PCMT1: variants seen among roughly 807,000 people sequenced by gnomAD.
The protein encoded by PCMT1 is protein-L-isoaspartate(D-aspartate) O-methyltransferase.
A neutral mutation model predicts 29.2 loss-of-function variants in PCMT1; 9 were observed. The ratio of observed to expected loss-of-function variants is 0.31; its 90% CI spans 0.19 to 0.54. PCMT1 has a LOEUF of 0.54. Ranked by LOEUF, PCMT1 falls within the 20% of genes least tolerant of loss-of-function variation. The pLI, the probability that PCMT1 is intolerant of heterozygous loss-of-function variation, is 0.95. For synonymous variants in PCMT1, 98 were observed against 97.5 expected (o/e 1.00, Z -0.03); for missense variants, 184 against 282.2 (o/e 0.65, Z 2.49).
In PCMT1 at chr6:149,805,602, T is replaced by A. The variant is rs2115348183; in HGVS notation, c.*37+3186T>A. 2.6e-5 allele frequency among the ~76,000 whole-genome samples: 4 copies of A among 151,522 alleles called. No individual in the cohort carries two copies. In the South Asian group the frequency reaches 8.3e-4, roughly 32 times the overall value. ...GAGCGAGACTCCGTCTCAAAAAATG[T>A]ATACCTGGTTTTCTTTTTGACCTTC... On this transcript the variant is annotated intron_variant, in intron 7 of 7. Coordinates refer to ENST00000464889, the MANE Select transcript of PCMT1 (RefSeq NM_001360452.2).
At position 149,770,603 on chromosome 6, in the gene PCMT1, G is replaced by A. The variant is rs1361204448; in HGVS notation, c.56-559G>A. Among the ~76,000 whole-genome samples the A allele has an allele frequency of 2.6e-5, 4 of 151,784 alleles. No homozygotes were observed. The South Asian group carries it at 8.3e-4, about 32-fold the overall frequency. ...CACCTGTAGTCGCAGCTACTTGGGA[G>A]GCTGAGGCAGGAGAATCACTTGAAC... is the stretch of plus-strand genomic sequence containing the variant. On this transcript the variant is annotated intron_variant, in intron 1 of 7. Coordinates refer to ENST00000464889, the MANE Select transcript of PCMT1 (RefSeq NM_001360452.2).
intron 5 of PCMT1, chr6:149,796,127 A>T (rs1788602360): frequency 4.0e-6 from 1 of 249,096 alleles, no homozygotes; most frequent in Admixed American, 5.3e-5. Flanking sequence ...TGAGGTCAGG[A>T]GTTCAAAAAA....
intron 6 of PCMT1, among the ~76,000 whole-genome samples, chr6:149,800,326 G>A (rs571578680): frequency 3.9e-5 from 6 of 152,128 alleles, no homozygotes; most frequent in South Asian, 2.1e-4. Context: ...AAAATTAGTC[G>A]GGCTCGGTGG....
At chr6:149,759,267 T>G (rs1193394643) in intron 1 of PCMT1, among the ~76,000 whole-genome samples, 2 of 152,222 alleles carry the variant, frequency 1.3e-5, no homozygotes, top group South Asian at 2.1e-4. Flanking sequence ...CTATCATGCC[T>G]AATCATTCTG....
chr6:149,778,085 C>T (rs1356547808), intron 3 of PCMT1, among the ~76,000 whole-genome samples: 1 of 151,894 alleles, frequency 6.6e-6, no homozygotes, highest in African/African-American at 2.4e-5. Context: ...TCACGTTGGC[C>T]AGGCTGGTCT....
chr6:149,774,538 CTTTT>C (rs34761342), intron 3 of PCMT1, among the ~76,000 whole-genome samples: 1 of 116,944 alleles, frequency 8.6e-6, no homozygotes. Context: ...TGGGCCCAGT[CTTTT>C]TTTTTTTTTT....
At chr6:149,782,979 G>A (rs1382313310) in intron 3 of PCMT1, among the ~76,000 whole-genome samples, 1 of 151,936 alleles carries the variant, frequency 6.6e-6, no homozygotes. Flanking sequence ...AACAAAGCAA[G>A]ACCCTGACTC....
In PCMT1 at chr6:149,802,285, A is replaced by G; in HGVS notation, c.590A>G (p.Lys197Arg). ...GGNQMLEQYD[K>R]LQDGSIKMKP... ...AACCAAATGTTGGAGCAGTATGACA[A>G]GCTACAAGATGGCAGCATCAAAATG... The change falls in exon 7 of 8, where the codon AAG becomes AGG. Residue 197 changes from lysine to arginine, a missense_variant. By Grantham distance (26) the Lys-to-Arg change is conservative. Transcript: ENST00000464889. 6.2e-7 allele frequency: 1 copy of G among 1,613,916 alleles called. No individual in the cohort carries two copies. The highest frequency in any genetic ancestry group is 8.5e-7 in the Non-Finnish European group (1 of 1,179,840).
chr6:149,778,517 C>G (rs1787673332), intron 3 of PCMT1, among the ~76,000 whole-genome samples: 1 of 152,004 alleles, frequency 6.6e-6, no homozygotes, highest in Non-Finnish European at 1.5e-5. Context: ...GCCTGAGCCA[C>G]TGCGTCTAGC....
In PCMT1 at chr6:149,803,532, C is replaced by T. The variant is rs1775917470; in HGVS notation, c.*37+1116C>T. On this transcript the variant is annotated intron_variant, in intron 7 of 7. Transcript: ENST00000464889. ...GATTTCTCTTTTCCTCCCCTTCCCA[C>T]TCCCTTCCATGAGAGAGAGTGACAT... Among the ~76,000 whole-genome samples, 3 of 150,014 alleles carry T rather than the reference C, an allele frequency of 2.0e-5. No homozygotes were observed. The Admixed American group carries it at 2.1e-4, about 10-fold the overall frequency.
rs751992669 is a variant in PCMT1 at position 149,749,897 on chromosome 6, T to C, written c.-5T>C. Reference sequence around the variant, plus strand: ...GTTCTGTACCTGCTCCGAGTGTGCTTAGCGATGGCCTGGAAATCCGGCGGC... The same window carrying C: ...GTTCTGTACCTGCTCCGAGTGTGCTCAGCGATGGCCTGGAAATCCGGCGGC... On this transcript the variant is annotated 5_prime_UTR_variant, in exon 1 of 8. Transcript: ENST00000464889. 1 of 1,608,610 alleles carries C rather than the reference T, an allele frequency of 6.2e-7. No individual in the cohort carries two copies. Among genetic ancestry groups the C allele is most frequent in the Non-Finnish European group, 8.5e-7 (1 of 1,177,892 alleles).
rs1202762571 is a variant in PCMT1 at position 149,762,942 on chromosome 6, T to TG, written c.56-8220_56-8219insG. ...ATATATCTATGATATATATGATATA[T>TG]ATATCTATGATATGTATATCTATGA... On this transcript the variant is annotated intron_variant, in intron 1 of 7. Coordinates refer to ENST00000464889, the MANE Select transcript of PCMT1 (RefSeq NM_001360452.2). Among the ~76,000 whole-genome samples the TG allele has an allele frequency of 6.3e-5, 3 of 47,772 alleles. No homozygotes were observed. In the South Asian group the frequency reaches 1.9e-3, roughly 30 times the overall value. 31.3% of individuals were successfully genotyped at this position (47,772 alleles called of 152,430 possible). A position where few individuals can be genotyped will look rare whatever the true frequency, so the allele number is the denominator to read the frequency against.
chr6:149,750,306 G>A (rs1477980225), intron 1 of PCMT1: 4 of 305,528 alleles, frequency 1.3e-5, no homozygotes, highest in South Asian at 1.3e-4. Context: ...GTGCCTTCGG[G>A]GTGGGAGCGT....
intron 7 of PCMT1, among the ~76,000 whole-genome samples, chr6:149,807,471 A>G (rs977277612): frequency 3.9e-5 from 6 of 152,140 alleles, no homozygotes; most frequent in Non-Finnish European, 8.8e-5. Context: ...CCTGGGTTCA[A>G]GTGATTCTCC....
Position 149,771,197 on chromosome 6 carries a change from G to A in PCMT1, c.91G>A (p.Val31Met), listed in dbSNP as rs780063548. Residue 31 changes from valine (V) to methionine (M), a missense_variant, in exon 2 of 8, where the codon GTG (valine) becomes ATG (methionine). By Grantham distance (21) the Val-to-Met change is conservative (BLOSUM62 1). Coordinates refer to ENST00000464889, the MANE Select transcript of PCMT1 (RefSeq NM_001360452.2). ...CATCAAGACAGATAAAGTATTTGAA[G>A]TGATGCTGGCTACAGACCGCTCCCA... Reference protein sequence around the residue: ...GIIKTDKVFEVMLATDRSHYA... With the variant: ...GIIKTDKVFEMMLATDRSHYA... 6.2e-7 allele frequency: 1 copy of A among 1,612,806 alleles called. No individual in the cohort carries two copies. Among genetic ancestry groups the A allele is most frequent in the Non-Finnish European group, 8.5e-7 (1 of 1,178,982 alleles).
At chr6:149,791,972 G>T (rs1024355340) in intron 4 of PCMT1, among the ~76,000 whole-genome samples, 3 of 152,134 alleles carry the variant, frequency 2.0e-5, no homozygotes. Context: ...TTTATGATGG[G>T]GTTTATGCCT....
intron 3 of PCMT1, among the ~76,000 whole-genome samples, chr6:149,785,360 T>TC (rs1199150781): frequency 6.7e-6 from 1 of 149,172 alleles, no homozygotes; most frequent in Non-Finnish European, 1.5e-5. Flanking sequence ...GTTTTCTTTT[T>TC]TTTTTTTTTT....
chr6:149,754,565 T>C (rs1312162665), intron 1 of PCMT1, among the ~76,000 whole-genome samples: 2 of 152,204 alleles, frequency 1.3e-5, no homozygotes, highest in African/African-American at 2.4e-5. Context: ...TCAAATGCTA[T>C]AGAGTAGTCC....
chr6:149,796,755 A>G, intron 6 of PCMT1: 1 of 344,616 alleles, frequency 2.9e-6, no homozygotes, highest in Non-Finnish European at 5.2e-6. Flanking sequence ...GAATTGGGAA[A>G]ATCCCTCTGG....
Sources: gnomAD v4.1 joint callset for allele counts (sites outside exome capture counted in the v4.1 genomes callset) on GRCh38, gnomAD v4.1.1 for gene constraint, MANE v1.5 for transcripts, NCBI Gene and HGNC (gene_info 2026-07-23, HGNC 2026-07-21) for gene names.